TMEM164: variants seen among roughly 807,000 people sequenced by gnomAD.
The protein encoded by TMEM164 is RP13-360B22.2.
A neutral mutation model predicts 18.8 loss-of-function variants in TMEM164; 4 were observed. The observed-to-expected ratio is 0.21, with a 90% CI of 0.10 to 0.49. TMEM164 has a LOEUF of 0.49. Ranked by LOEUF, TMEM164 falls within the 20% of genes least tolerant of loss-of-function variation. The pLI is 0.98. For missense variants in TMEM164, 108 were observed against 239.9 expected (o/e 0.45, Z 3.63); for synonymous variants, 86 against 101.7 (o/e 0.85, Z 0.93).
chrX:110,044,082 C>T (rs1935207433), intron 2 of TMEM164, among the ~76,000 whole-genome samples: 2 of 112,171 alleles, frequency 1.8e-5, no homozygotes, highest in South Asian at 7.3e-4. Flanking sequence ...ACAATAGAGG[C>T]ACTATACTTT....
At chrX:110,168,356 C>T (rs752750283) in intron 5 of TMEM164, among the ~76,000 whole-genome samples, 1 of 113,042 alleles carries the variant, frequency 8.8e-6, no homozygotes, top group South Asian at 3.6e-4. Flanking sequence ...TGGTCCTTGA[C>T]CCTGAGATGC....
chrX:110,088,598 C>G (rs1051522352), intron 3 of TMEM164, among the ~76,000 whole-genome samples: 1 of 111,959 alleles, frequency 8.9e-6, no homozygotes, highest in Admixed American at 9.5e-5. Flanking sequence ...CAGGTATCTG[C>G]TTTCCTAGGA....
At chrX:110,022,526 G>A (rs923701316) in intron 2 of TMEM164, among the ~76,000 whole-genome samples, 1 of 111,359 alleles carries the variant, frequency 9.0e-6, no homozygotes, top group Non-Finnish European at 1.9e-5. Flanking sequence ...ATGTGACAAG[G>A]AGCTTTGTTT....
chrX:110,033,339 T>A (rs1340942081), intron 2 of TMEM164, among the ~76,000 whole-genome samples: 1 of 112,345 alleles, frequency 8.9e-6, no homozygotes, highest in Non-Finnish European at 1.9e-5. Context: ...TTTCATGCCA[T>A]CCAAACCTGA....
At chrX:110,035,054 A>C (rs1318040048) in intron 2 of TMEM164, among the ~76,000 whole-genome samples, 23 of 75,504 alleles carry the variant, frequency 3.0e-4, no homozygotes, top group African/African-American at 1.2e-3. Context: ...GGAACATCAC[A>C]CTCTGGGGAC....
At chrX:110,058,986 T>A (rs1004550372) in intron 2 of TMEM164, among the ~76,000 whole-genome samples, 4 of 110,403 alleles carry the variant, frequency 3.6e-5, no homozygotes, top group African/African-American at 1.3e-4. Flanking sequence ...ATATTTTAAT[T>A]TTGGTGAAGT....
intron 2 of TMEM164, among the ~76,000 whole-genome samples, chrX:110,038,049 G>GGT (rs1934907619): frequency 1.0e-5 from 1 of 95,620 alleles, no homozygotes; most frequent in Non-Finnish European, 2.0e-5. Flanking sequence ...GGAGTGCAGT[G>GGT]GCAGGATCTC....
intron 2 of TMEM164, among the ~76,000 whole-genome samples, chrX:110,037,854 C>T (rs1436185977): frequency 1.8e-5 from 2 of 111,998 alleles, no homozygotes; most frequent in African/African-American, 6.5e-5. Context: ...TATTTCTTCC[C>T]ACTACCTACT....
At chrX:110,156,409 T>A (rs992191088) in intron 5 of TMEM164, among the ~76,000 whole-genome samples, 2 of 112,221 alleles carry the variant, frequency 1.8e-5, no homozygotes, top group Non-Finnish European at 3.8e-5. Flanking sequence ...GGATATTGAT[T>A]TATTTTATTT....
chrX:110,034,120 A>G (rs983920902), intron 2 of TMEM164, among the ~76,000 whole-genome samples: 22 of 112,069 alleles, frequency 2.0e-4, no homozygotes, highest in Admixed American at 8.5e-4. Context: ...GTGACCCAGA[A>G]TCACAGCTGT....
At chrX:110,179,476 G>C (rs749211845), downstream of TMEM164, among the ~76,000 whole-genome samples, 58 of 112,267 alleles carry the variant, frequency 5.2e-4, no homozygotes, top group Non-Finnish European at 9.4e-4. Flanking sequence ...CCCAAAAGAA[G>C]CATGCAGAGA....
Position 110,003,681 on chromosome X carries a change from C to G in TMEM164, c.-94C>G. ...TGGAGGGGGGTTGTGGGGGTGTGCC[C>G]GCCTTACATGGTCCACCACCCGGGC... On this transcript the variant is annotated 5_prime_UTR_variant, in exon 2 of 7. Coordinates refer to ENST00000372068, the MANE Select transcript of TMEM164 (RefSeq NM_032227.4). 9.6e-7 allele frequency: 1 copy of G among 1,041,296 alleles called. No homozygotes were observed. Among genetic ancestry groups the G allele is most frequent in the Non-Finnish European group, 1.3e-6 (1 of 781,126 alleles). 85.8% of individuals were successfully genotyped at this position (1,041,296 alleles called of 1,213,427 possible). A position where few individuals can be genotyped will look rare whatever the true frequency, so the allele number is the denominator to read the frequency against.
intron 4 of TMEM164, among the ~76,000 whole-genome samples, chrX:110,122,572 A>G (rs1228132009): frequency 4.5e-5 from 5 of 110,490 alleles, no homozygotes; most frequent in Admixed American, 3.9e-4. Context: ...AAAGTATAAT[A>G]ATAATAAAAT....
chrX:110,176,473 T>A lies in TMEM164; in HGVS notation c.*3022T>A, dbSNP rs903560723. ...TCTCTTTCTCTCTCTCTCCTCAAACTTCATCGCATTCATAGAAGCTGCTTG... is the reference window on the plus strand; with the variant it reads ...TCTCTTTCTCTCTCTCTCCTCAAACATCATCGCATTCATAGAAGCTGCTTG... On this transcript the variant is annotated 3_prime_UTR_variant, in exon 7 of 7. Coordinates refer to ENST00000372068, the MANE Select transcript of TMEM164 (RefSeq NM_032227.4). The A allele has an allele frequency of 5.4e-6, 4 of 735,937 alleles. No homozygotes were observed. In the African/African-American group the frequency reaches 9.3e-5, roughly 17 times the overall value. 60.6% of individuals were successfully genotyped at this position (735,937 alleles called of 1,213,427 possible).
intron 4 of TMEM164, among the ~76,000 whole-genome samples, chrX:110,134,482 C>G (rs2066656826): frequency 9.9e-6 from 1 of 101,309 alleles, no homozygotes; most frequent in Non-Finnish European, 2.0e-5. Flanking sequence ...ATCTCTTGAA[C>G]TCAGGAGGCA....
At chrX:110,083,280 C>T (rs2065785550) in intron 3 of TMEM164, among the ~76,000 whole-genome samples, 1 of 111,469 alleles carries the variant, frequency 9.0e-6, no homozygotes, top group Non-Finnish European at 1.9e-5. Context: ...CTTATATTTT[C>T]CCCTAGAGAG....
At chrX:110,086,674 ATG>A (rs369953183) in intron 3 of TMEM164, among the ~76,000 whole-genome samples, 4 of 90,454 alleles carry the variant, frequency 4.4e-5, no homozygotes, top group South Asian at 4.2e-4. Context: ...GTGTGTATAT[ATG>A]TGTGTGTGTG....
At chrX:110,065,592 AGGGGTGGGAT>A (rs1399881681) in intron 2 of TMEM164, 2 of 108,951 alleles carry the variant, frequency 1.8e-5, no homozygotes, top group African/African-American at 6.6e-5. Flanking sequence ...ACTGCTCCTG[AGGGGTGGGAT>A]GGGGAGTGGG....
Position 110,009,257 on chromosome X carries a change from A to G in TMEM164, c.390+5093A>G, listed in dbSNP as rs548448872. Among the ~76,000 whole-genome samples the G allele has an allele frequency of 5.4e-5, 6 of 111,832 alleles. No homozygotes were observed. In the East Asian group the frequency reaches 1.7e-3, roughly 31 times the overall value. ...CTCAGTCTTTGTGAGACTTGTTTTT[A>G]GTTTCCTCCCCCTCTGTAAATACTC... On this transcript the variant is annotated intron_variant, in intron 2 of 6. Coordinates refer to ENST00000372068, the MANE Select transcript of TMEM164 (RefSeq NM_032227.4).
Sources: allele counts gnomAD v4.1 joint callset (sites outside exome capture counted in the v4.1 genomes callset), GRCh38; gene constraint gnomAD v4.1.1; transcripts MANE v1.5; gene names NCBI Gene and HGNC (gene_info 2026-07-23, HGNC 2026-07-21).